The following FRMD6 variants were observed in gnomAD, a reference collection of about 807,000 sequenced individuals.
FRMD6 encodes the protein FERM domain containing 6.
FRMD6 carries 37 observed loss-of-function variants against 73.2 expected under a neutral mutation model. The observed-to-expected ratio is 0.51, with a 90% CI of 0.39 to 0.66. The LOEUF is 0.66. FRMD6 is among the 30% of genes least tolerant of loss of function. FRMD6 has a pLI of 0.00. For synonymous variants in FRMD6, 273 were observed against 282.2 expected (o/e 0.97, Z 0.33); for missense variants, 714 against 780.5 (o/e 0.91, Z 1.02).
intron 1 of FRMD6, among the ~76,000 whole-genome samples, chr14:51,668,004 A>G (rs1893724583): frequency 1.3e-5 from 2 of 152,194 alleles, no homozygotes; most frequent in South Asian, 4.1e-4. Context: ...GGGAAAGCTA[A>G]TTGAAGTTAT....
At chr14:51,633,598 CAAAAAAAAAAAA>C (rs375453243) in intron 2 of FRMD6, among the ~76,000 whole-genome samples, 2 of 45,870 alleles carry the variant, frequency 4.4e-5, no homozygotes, top group Non-Finnish European at 7.1e-5. Context: ...AAGACCCTGT[CAAAAAAAAAAAA>C]AAAAAAAAAA....
chr14:51,486,936 GTT>G (rs5808614), upstream of FRMD6, among the ~76,000 whole-genome samples: 27 of 146,384 alleles, frequency 1.8e-4, no homozygotes, highest in Middle Eastern at 3.6e-3. Flanking sequence ...GTATAAAACC[GTT>G]TTTTTTTTTT....
At chr14:51,524,595 T>C (rs1885133336) in intron 1 of FRMD6, among the ~76,000 whole-genome samples, 2 of 152,130 alleles carry the variant, frequency 1.3e-5, no homozygotes, top group African/African-American at 2.4e-5. Context: ...TTAACAGCAT[T>C]TAACTGAGCA....
intron 1 of FRMD6, among the ~76,000 whole-genome samples, chr14:51,656,959 T>C (rs1036999858): frequency 4.6e-5 from 7 of 152,332 alleles, no homozygotes; most frequent in Middle Eastern, 3.4e-3. Flanking sequence ...TATACAACTT[T>C]GAGCAATAAT....
intron 1 of FRMD6, among the ~76,000 whole-genome samples, chr14:51,663,277 G>A (rs1238306070): frequency 6.6e-6 from 1 of 152,148 alleles, no homozygotes; most frequent in Non-Finnish European, 1.5e-5. Context: ...ATACCCAAAG[G>A]AATATAAATC....
chr14:51,505,464 G>A (rs1883904960), intron 1 of FRMD6, among the ~76,000 whole-genome samples: 1 of 152,164 alleles, frequency 6.6e-6, no homozygotes, highest in South Asian at 2.1e-4. Flanking sequence ...TCAGGGACAA[G>A]GACAAAGAGG....
At chr14:51,481,958 T>C in the FRMD6 span, among the ~76,000 whole-genome samples, 1 of 152,254 alleles carries the variant, frequency 6.6e-6, no homozygotes, top group Admixed American at 6.5e-5. Context: ...TTGCATTTTA[T>C]AATTTATAAT....
the FRMD6 span, among the ~76,000 whole-genome samples, chr14:51,463,555 G>A: frequency 6.6e-6 from 1 of 152,220 alleles, no homozygotes. Flanking sequence ...CATATCCACA[G>A]GAAAGGCCCT....
the FRMD6 span, among the ~76,000 whole-genome samples, chr14:51,420,053 G>C: frequency 6.6e-6 from 1 of 152,054 alleles, no homozygotes; most frequent in Non-Finnish European, 1.5e-5. Flanking sequence ...CTGAGTTCTG[G>C]CTAATAAAAT....
At position 51,555,459 on chromosome 14, in the gene FRMD6, T is replaced by C. The variant is rs932762098; in HGVS notation, c.-209-14889T>C. 2.6e-5 allele frequency among the ~76,000 whole-genome samples: 4 copies of C among 152,148 alleles called. No individual in the cohort carries two copies. The South Asian group carries it at 6.2e-4, about 24-fold the overall frequency. ...GGAGACAATTAATTGGAAGCACTTA[T>C]AAGGTTGTAGCTTTAATTACATACT... On this transcript the variant is annotated intron_variant, in intron 1 of 14. Transcript: ENST00000356218.
chr14:51,682,366 T>G (rs937958013), intron 1 of FRMD6, among the ~76,000 whole-genome samples: 3 of 145,922 alleles, frequency 2.1e-5, no homozygotes, highest in African/African-American at 7.5e-5. Context: ...CAGTTTTTTG[T>G]TTTTTTTTTT....
At chr14:51,486,984 C>T (rs1199157115), upstream of FRMD6, among the ~76,000 whole-genome samples, 1 of 150,548 alleles carries the variant, frequency 6.6e-6, no homozygotes, top group African/African-American at 2.5e-5. Flanking sequence ...TGTTCTGGGA[C>T]CAGCAGCATG....
At chr14:51,670,602 T>C (rs1305456933) in intron 1 of FRMD6, among the ~76,000 whole-genome samples, 1 of 152,116 alleles carries the variant, frequency 6.6e-6, no homozygotes, top group East Asian at 1.9e-4. Flanking sequence ...CTTAACAATA[T>C]TGAGTCTTCC....
chr14:51,592,440 C>T (rs2139741243), intron 2 of FRMD6, among the ~76,000 whole-genome samples: 1 of 152,328 alleles, frequency 6.6e-6, no homozygotes, highest in South Asian at 2.1e-4. Context: ...GAGCCCTGTA[C>T]AGTGTTTTAA....
the FRMD6 span, among the ~76,000 whole-genome samples, chr14:51,406,448 C>A: frequency 6.6e-6 from 1 of 152,064 alleles, no homozygotes; most frequent in African/African-American, 2.4e-5. Context: ...TTCTTCCTAG[C>A]CATGAGCATG....
the FRMD6 span, among the ~76,000 whole-genome samples, chr14:51,425,378 C>T: frequency 1.3e-5 from 2 of 152,116 alleles, no homozygotes; most frequent in Non-Finnish European, 2.9e-5. Flanking sequence ...TCCATATATC[C>T]TGTGTCTTGT....
intron 1 of FRMD6, among the ~76,000 whole-genome samples, chr14:51,509,924 CGTACGT>C (rs1566784905): frequency 1.3e-5 from 2 of 152,180 alleles, no homozygotes. Context: ...CTGCCCTGCG[CGTACGT>C]GTATATACTT....
intron 1 of FRMD6, chr14:51,491,632 C>CAAACA (rs199685582): frequency 1.3e-5 from 2 of 152,192 alleles, no homozygotes; most frequent in African/African-American, 4.8e-5. Context: ...TAGAAACAAA[C>CAAACA]AAACAAAACA....
At chr14:51,418,304 G>A in the FRMD6 span, among the ~76,000 whole-genome samples, 1 of 152,102 alleles carries the variant, frequency 6.6e-6, no homozygotes, top group Non-Finnish European at 1.5e-5. Context: ...TCTACCTTTG[G>A]TCTTTGATGT....
Sources: allele counts gnomAD v4.1 joint callset (sites outside exome capture counted in the v4.1 genomes callset), GRCh38; gene constraint gnomAD v4.1.1; transcripts MANE v1.5; gene names NCBI Gene and HGNC (gene_info 2026-07-23, HGNC 2026-07-21).